PDZD2: variants seen among roughly 807,000 people sequenced by gnomAD.
PDZD2 encodes PDZ domain containing 2, also known as PDZ domain-containing protein 2.
A neutral mutation model predicts 220.7 loss-of-function variants in PDZD2; 90 were observed. The ratio of observed to expected loss-of-function variants is 0.41; its 90% CI spans 0.34 to 0.49. PDZD2 has a LOEUF of 0.49. PDZD2 is among the 20% of genes least tolerant of loss of function. The probability of loss-of-function intolerance (pLI) is 0.28; values close to 1 mark genes in which losing one functional copy is unlikely to be tolerated. For synonymous variants in PDZD2, 1,375 were observed against 1,450.5 expected, an observed-to-expected ratio of 0.95 and a Z score of 1.18; for missense variants, 3,174 against 3,608.5, an observed-to-expected ratio of 0.88 and a Z score of 3.08.
In PDZD2 at chr5:31,955,937, C is replaced by T. The variant is rs572796289; in HGVS notation, c.477-27218C>T. On this transcript the variant is annotated intron_variant, in intron 2 of 24. Coordinates refer to ENST00000438447, the MANE Select transcript of PDZD2 (RefSeq NM_178140.4). ...AATTTCCACATATTTGTGAGTTTTT[C>T]CATTTTCTTCCTATTATTTGTAGTT... Among the ~76,000 whole-genome samples the T allele has an allele frequency of 3.9e-5, 6 of 152,104 alleles. No individual in the cohort carries two copies. The East Asian group carries it at 1.2e-3, about 29-fold the overall frequency.
Position 31,826,230 on chromosome 5 carries a change from G to C in PDZD2, c.476+26506G>C, listed in dbSNP as rs534740893. ...GGCTGTGGGCTGCTAGGGAGTGGGA[G>C]CTGCTCCACAGGGAAGAAGTTTTTG... On this transcript the variant is annotated intron_variant, in intron 2 of 24. Coordinates refer to ENST00000438447, the MANE Select transcript of PDZD2 (RefSeq NM_178140.4). Among the ~76,000 whole-genome samples, 123 of 152,246 alleles carry C rather than the reference G, an allele frequency of 8.1e-4. 5 individuals are homozygous for C. The South Asian group carries it at 0.025, about 30-fold the overall frequency.
rs563181984 is a variant in PDZD2, at chr5:31,827,084, G to A, written c.476+27360G>A. On this transcript the variant is annotated intron_variant, in intron 2 of 24. Coordinates refer to ENST00000438447, the MANE Select transcript of PDZD2 (RefSeq NM_178140.4). ...AATTCTGTAAGTGGCATCCTGGCCA[G>A]GGAACCTTGCTCTTTATTCATGAGG... Among the ~76,000 whole-genome samples, 7 of 152,286 alleles carry A rather than the reference G, an allele frequency of 4.6e-5. No homozygotes were observed. In the East Asian group the frequency reaches 1.4e-3, roughly 29 times the overall value.
At chr5:31,668,601 C>T (rs1420030700) in intron 1 of PDZD2, among the ~76,000 whole-genome samples, 1 of 152,114 alleles carries the variant, frequency 6.6e-6, no homozygotes, top group Non-Finnish European at 1.5e-5. Context: ...CTGTTCCTAA[C>T]GTCATAAACG....
intron 6 of PDZD2, among the ~76,000 whole-genome samples, chr5:32,027,595 G>A (rs17664271): frequency 0.5 from 76,583 of 151,966 alleles, 20,209 homozygotes; most frequent in South Asian, 0.61. Context: ...ACACATGCCC[G>A]GCGTGTACCA....
chr5:31,862,043 T>G (rs1046327647), intron 2 of PDZD2, among the ~76,000 whole-genome samples: 2 of 152,014 alleles, frequency 1.3e-5, no homozygotes, highest in Admixed American at 6.6e-5. Flanking sequence ...TCAAACATTA[T>G]TGTGAATGAA....
chr5:31,735,575 G>A (rs1288132278), intron 1 of PDZD2, among the ~76,000 whole-genome samples: 1 of 152,112 alleles, frequency 6.6e-6, no homozygotes, highest in East Asian at 1.9e-4. Flanking sequence ...AAGGTGGGGT[G>A]GATCACCTGA....
chr5:31,943,465 G>A (rs909887434), intron 2 of PDZD2, among the ~76,000 whole-genome samples: 1 of 152,128 alleles, frequency 6.6e-6, no homozygotes, highest in Admixed American at 6.5e-5. Context: ...TGAAGAAGGC[G>A]CATCCTAAAA....
chr5:32,011,855 C>T (rs1753346862), intron 6 of PDZD2, among the ~76,000 whole-genome samples: 1 of 152,180 alleles, frequency 6.6e-6, no homozygotes, highest in Non-Finnish European at 1.5e-5. Flanking sequence ...AGGTTGTGGA[C>T]TGCACAAAGG....
At position 31,827,566 on chromosome 5, in the gene PDZD2, G is replaced by A. The variant is rs557693012; in HGVS notation, c.476+27842G>A. 5.3e-5 allele frequency among the ~76,000 whole-genome samples: 8 copies of A among 151,992 alleles called. No homozygotes were observed. The East Asian group carries it at 5.8e-4, about 11-fold the overall frequency. ...AAATTAGCTGGGTATGGTGGCATGCGCCTGTAATCTCAGCTACTCAGGAGG... is the reference window on the plus strand; with the variant it reads ...AAATTAGCTGGGTATGGTGGCATGCACCTGTAATCTCAGCTACTCAGGAGG... On this transcript the variant is annotated intron_variant, in intron 2 of 24. Coordinates refer to ENST00000438447, the MANE Select transcript of PDZD2 (RefSeq NM_178140.4).
intron 2 of PDZD2, among the ~76,000 whole-genome samples, chr5:31,969,532 A>AAAAAAAAAAAAAAAAAAAAAAAAAAAG (rs1749097974): frequency 6.9e-6 from 1 of 144,396 alleles, no homozygotes; most frequent in Non-Finnish European, 1.5e-5. Flanking sequence ...AAAAAAAAAA[A>AAAAAAAAAAAAAAAAAAAAAAAAAAAG]AAACAATGGA....
chr5:32,012,200 G>A (rs141927708), intron 6 of PDZD2, among the ~76,000 whole-genome samples: 3 of 152,114 alleles, frequency 2.0e-5, no homozygotes, highest in Non-Finnish European at 4.4e-5. Flanking sequence ...GGATCTCATT[G>A]CTCAGCAGTT....
At chr5:31,793,835 G>A (rs1370351477) in intron 1 of PDZD2, among the ~76,000 whole-genome samples, 2 of 152,092 alleles carry the variant, frequency 1.3e-5, no homozygotes, top group Non-Finnish European at 2.9e-5. Context: ...TATATTGAAA[G>A]TTGAAGGAAA....
rs892250153 is a variant in PDZD2 at position 32,031,764 on chromosome 5, G to C, written c.1408-5467G>C. Among the ~76,000 whole-genome samples the C allele has an allele frequency of 5.9e-5, 9 of 152,204 alleles. No homozygotes were observed. In the East Asian group the frequency reaches 1.7e-3, roughly 29 times the overall value. ...ACCTATATTCTTATGATACACATTA[G>C]GTACTCCACAGTGAATTTCTTTTTA... On this transcript the variant is annotated intron_variant, in intron 6 of 24. Coordinates refer to ENST00000438447, the MANE Select transcript of PDZD2 (RefSeq NM_178140.4).
intron 2 of PDZD2, chr5:31,854,941 A>G: frequency 1.0e-6 from 1 of 983,848 alleles, no homozygotes; most frequent in Non-Finnish European, 1.2e-6. Context: ...ACAGACCTGG[A>G]GCCGGCGGAG....
Position 31,766,025 on chromosome 5 carries a change from C to CA in PDZD2, c.-360-32859dup, listed in dbSNP as rs983478287. ...AAAACCCTATCTCTACAAAAAATTA[C>CA]AAAAATTAGCTGGGCATGGTGGTGC... is the stretch of plus-strand genomic sequence containing the variant. On this transcript the variant is annotated intron_variant, in intron 1 of 24. Coordinates refer to ENST00000438447, the MANE Select transcript of PDZD2 (RefSeq NM_178140.4). Among the ~76,000 whole-genome samples, 1,002 of 146,642 alleles carry CA rather than the reference C, an allele frequency of 6.8e-3. 11 individuals are homozygous for CA. Among genetic ancestry groups the CA allele is most frequent in the African/African-American group, 0.023 (953 of 40,986 alleles).
intron 2 of PDZD2, among the ~76,000 whole-genome samples, chr5:31,949,962 G>A (rs1406754295): frequency 5.3e-5 from 8 of 151,828 alleles, no homozygotes; most frequent in East Asian, 3.9e-4. Context: ...GATTACAGGC[G>A]TGAGCCACCA....
chr5:31,888,852 C>T (rs1343488174), intron 2 of PDZD2, among the ~76,000 whole-genome samples: 2 of 152,102 alleles, frequency 1.3e-5, no homozygotes, highest in African/African-American at 2.4e-5. Context: ...TGGGATCTCA[C>T]CATCGGGAGA....
In PDZD2 at chr5:32,057,738, T is replaced by G. The variant is rs1030463705; in HGVS notation, c.1974+10T>G. 6 of 1,534,500 alleles carry G rather than the reference T, an allele frequency of 3.9e-6. No individual in the cohort carries two copies. Among genetic ancestry groups the G allele is most frequent in the Admixed American group, 1.7e-5 (1 of 59,124 alleles). The stretch of plus-strand genomic sequence containing the variant: ...CATTCATACCTTTAAGGTAACAACA[T>G]TCTTATTGATCTCCTTTATCCTATT... On this transcript the variant is annotated intron_variant, in intron 11 of 24. Transcript: ENST00000438447.
intron 14 of PDZD2, among the ~76,000 whole-genome samples, chr5:32,068,787 G>A (rs764726243): frequency 2.4e-4 from 36 of 152,232 alleles, no homozygotes; most frequent in Non-Finnish European, 4.4e-4. Context: ...AAGGGGTCAC[G>A]ATGTCTGCAA....
Sources: gnomAD v4.1 joint callset for allele counts (sites outside exome capture counted in the v4.1 genomes callset) on GRCh38, gnomAD v4.1.1 for gene constraint, MANE v1.5 for transcripts, NCBI Gene and HGNC (gene_info 2026-07-23, HGNC 2026-07-21) for gene names.